Variants in CSMD1 observed in about 807,000 individuals in gnomAD.
CSMD1 encodes CUB and sushi domain-containing protein 1.
A neutral mutation model predicts 417.5 loss-of-function variants in CSMD1; 213 were observed. That is an observed-to-expected ratio of 0.51 (90% CI 0.46 to 0.57). The LOEUF (loss-of-function observed/expected upper bound fraction) is 0.57, where lower values mean the gene tolerates loss of function less well. Ranked by LOEUF, CSMD1 falls within the 20% of genes least tolerant of loss-of-function variation. The probability of loss-of-function intolerance (pLI) is 0.00; values close to 1 mark genes in which losing one functional copy is unlikely to be tolerated. For missense variants in CSMD1, 6,923 were observed against 4,529.7 expected, an observed-to-expected ratio of 1.53 and a Z score of -15.17; for synonymous variants, 2,862 against 1,736.8, an observed-to-expected ratio of 1.65 and a Z score of -16.11.
rs556700484 is a variant in CSMD1 at position 3,896,892 on chromosome 8, T to C, written c.818+101011A>G. Among the ~76,000 whole-genome samples, 3 of 152,176 alleles carry C rather than the reference T, an allele frequency of 2.0e-5. No individual in the cohort carries two copies. In the East Asian group the frequency reaches 5.8e-4, roughly 29 times the overall value. ...CGCTTGTCTATCACCTAATTCTATT[T>C]GATGTTTGGTTCTCCAATAACAACC... On this transcript the variant is annotated intron_variant, in intron 5 of 69. Transcript: ENST00000635120.
At chr8:4,153,647 T>C (rs906774155) in intron 3 of CSMD1, among the ~76,000 whole-genome samples, 10 of 152,302 alleles carry the variant, frequency 6.6e-5, no homozygotes, top group African/African-American at 2.4e-4. Context: ...GCAGCTGACA[T>C]CCTTTATTTT....
At chr8:4,929,301 C>T (rs1372555375) in intron 1 of CSMD1, among the ~76,000 whole-genome samples, 1 of 152,130 alleles carries the variant, frequency 6.6e-6, no homozygotes, top group African/African-American at 2.4e-5. Context: ...CCTCCCGAAC[C>T]ATGGGCAACA....
intron 7 of CSMD1, among the ~76,000 whole-genome samples, chr8:3,706,590 A>T (rs968366957): frequency 3.9e-5 from 6 of 152,228 alleles, no homozygotes; most frequent in African/African-American, 1.4e-4. Flanking sequence ...CAGAAGAGAT[A>T]TTCTCCTTAT....
chr8:3,962,194 A>G (rs1361418045), intron 5 of CSMD1, among the ~76,000 whole-genome samples: 6 of 152,172 alleles, frequency 3.9e-5, no homozygotes, highest in East Asian at 1.9e-4. Context: ...AATATACCAC[A>G]TTCCAGAATG....
chr8:2,978,814 C>T lies in CSMD1; in HGVS notation c.8378-14G>A. 2 of 1,579,022 alleles carry T rather than the reference C, an allele frequency of 1.3e-6. No individual in the cohort carries two copies. Among genetic ancestry groups the T allele is most frequent in the Non-Finnish European group, 1.7e-6 (2 of 1,162,800 alleles). On this transcript the variant is annotated splice_polypyrimidine_tract_variant and intron_variant, in intron 54 of 69. Coordinates refer to ENST00000635120, the MANE Select transcript of CSMD1 (RefSeq NM_033225.6). ...AACAGTTCACCACTAGAAAATAAAA[C>T]ATTTCACACACCATTTAGAAACAGC...
At chr8:3,737,001 A>G (rs950513780) in intron 6 of CSMD1, among the ~76,000 whole-genome samples, 2 of 152,182 alleles carry the variant, frequency 1.3e-5, no homozygotes, top group African/African-American at 2.4e-5. Context: ...TACACAGGTG[A>G]CATTCAGCAC....
intron 3 of CSMD1, among the ~76,000 whole-genome samples, chr8:4,353,446 T>C (rs553561040): frequency 6.6e-6 from 1 of 152,120 alleles, no homozygotes; most frequent in Non-Finnish European, 1.5e-5. Context: ...CGAGTATGTC[T>C]TTATTAGCAG....
At chr8:4,702,582 G>C (rs992602343) in intron 1 of CSMD1, among the ~76,000 whole-genome samples, 2 of 152,298 alleles carry the variant, frequency 1.3e-5, no homozygotes, top group East Asian at 1.9e-4. Context: ...TTCCGTAGGA[G>C]AACACACTGC....
At chr8:4,833,231 C>A (rs1334314349) in intron 1 of CSMD1, among the ~76,000 whole-genome samples, 1 of 152,198 alleles carries the variant, frequency 6.6e-6, no homozygotes, top group African/African-American at 2.4e-5. Flanking sequence ...AACTGACTCA[C>A]AATTCCACAG....
chr8:3,913,813 T>G (rs1023270135), intron 5 of CSMD1, among the ~76,000 whole-genome samples: 3 of 152,038 alleles, frequency 2.0e-5, no homozygotes, highest in African/African-American at 7.2e-5. Context: ...AGTACTAGAG[T>G]ATTAGAACCA....
At chr8:2,968,327 G>A (rs1804149056) in intron 57 of CSMD1, among the ~76,000 whole-genome samples, 1 of 152,174 alleles carries the variant, frequency 6.6e-6, no homozygotes, top group South Asian at 2.1e-4. Context: ...AGAGGACACT[G>A]ATGTTATTGT....
chr8:3,680,635 T>C (rs918655750), intron 7 of CSMD1, among the ~76,000 whole-genome samples: 1 of 152,182 alleles, frequency 6.6e-6, no homozygotes, highest in African/African-American at 2.4e-5. Flanking sequence ...CCATTCCTTC[T>C]GAAACTATTC....
intron 2 of CSMD1, among the ~76,000 whole-genome samples, chr8:4,459,646 C>G (rs944831778): frequency 1.3e-5 from 2 of 152,142 alleles, no homozygotes; most frequent in African/African-American, 4.8e-5. Flanking sequence ...ACCTCAAAGC[C>G]TGGCCTCAAA....
At chr8:3,660,256 A>G (rs923267554) in intron 7 of CSMD1, among the ~76,000 whole-genome samples, 4 of 152,142 alleles carry the variant, frequency 2.6e-5, no homozygotes, top group African/African-American at 9.7e-5. Flanking sequence ...GGGATCTTGT[A>G]TACATTCTTT....
chr8:3,524,258 C>G (rs1280546574), intron 10 of CSMD1, among the ~76,000 whole-genome samples: 16 of 151,102 alleles, frequency 1.1e-4, no homozygotes, highest in South Asian at 8.4e-4. Context: ...GAGACATACA[C>G]ACAAGCACAC....
chr8:3,716,828 T>C (rs1801869805), intron 6 of CSMD1, among the ~76,000 whole-genome samples: 1 of 152,154 alleles, frequency 6.6e-6, no homozygotes, highest in Non-Finnish European at 1.5e-5. Flanking sequence ...AGTATGGTAG[T>C]CATCTAATAA....
chr8:3,020,774 A>C (rs1409151518), intron 51 of CSMD1, among the ~76,000 whole-genome samples: 1 of 152,204 alleles, frequency 6.6e-6, no homozygotes, highest in East Asian at 1.9e-4. Context: ...GGGAGGTCCA[A>C]CTCGAGAGTC....
At chr8:3,732,046 A>G (rs1233269275) in intron 6 of CSMD1, among the ~76,000 whole-genome samples, 1 of 151,726 alleles carries the variant, frequency 6.6e-6, no homozygotes, top group East Asian at 1.9e-4. Context: ...TTTTAGACAA[A>G]AAAAATGCTC....
rs188655558 is a variant in CSMD1 at position 4,263,964 on chromosome 8, A to G, written c.415+155989T>C. 5.3e-5 allele frequency among the ~76,000 whole-genome samples: 8 copies of G among 152,326 alleles called. No homozygotes were observed. In the East Asian group the frequency reaches 5.8e-4, roughly 11 times the overall value. On this transcript the variant is annotated intron_variant, in intron 3 of 69. Transcript: ENST00000635120. The stretch of plus-strand genomic sequence containing the variant: ...ATATAATGCAATTTGTCATAGCAGA[A>G]GAATCATAGCCTCAGGAGACAACAT...
Sources: gnomAD v4.1 joint callset for allele counts (sites outside exome capture counted in the v4.1 genomes callset) on GRCh38, gnomAD v4.1.1 for gene constraint, MANE v1.5 for transcripts, NCBI Gene and HGNC (gene_info 2026-07-23, HGNC 2026-07-21) for gene names.